Variants in CRYAB observed in about 807,000 individuals in gnomAD.
The protein encoded by CRYAB is crystallin alpha B.
Under a neutral mutation model 12.7 loss-of-function variants are expected in CRYAB, and 9 were observed. The ratio of observed to expected loss-of-function variants is 0.71; its 90% CI spans 0.43 to 1.24. The LOEUF is 1.24. Ranked by LOEUF, CRYAB falls within the 50% of genes most tolerant of loss-of-function variation. The probability of loss-of-function intolerance (pLI) is 0.00; values close to 1 mark genes in which losing one functional copy is unlikely to be tolerated. For synonymous variants in CRYAB, 93 were observed against 86.8 expected (o/e 1.07, Z -0.40); for missense variants, 183 against 226.6 (o/e 0.81, Z 1.24).
upstream of CRYAB, chr11:111,913,895 A>G (rs782531573): frequency 6.2e-7 from 1 of 1,601,634 alleles, no homozygotes; most frequent in Admixed American, 1.7e-5. Context: ...TTGAGCCCTG[A>G]TTGCCACAGA....
At chr11:111,915,253 C>T (rs587717238), upstream of CRYAB, among the ~76,000 whole-genome samples, 1 of 152,148 alleles carries the variant, frequency 6.6e-6, no homozygotes, top group Non-Finnish European at 1.5e-5. Flanking sequence ...CACATACCCC[C>T]CTTAGGGATC....
chr11:111,913,752 C>G (rs782718651), upstream of CRYAB: 4 of 1,614,172 alleles, frequency 2.5e-6, no homozygotes, highest in Non-Finnish European at 3.4e-6. Flanking sequence ...CCGAGCTGCT[C>G]TCTCCCATGA....
upstream of CRYAB, chr11:111,913,688 C>T (rs918568668): frequency 6.2e-7 from 1 of 1,614,170 alleles, no homozygotes; most frequent in Admixed American, 1.7e-5. Flanking sequence ...GCTTCGTGTC[C>T]CGAGAGTTCT....
In CRYAB at chr11:111,908,579, T is replaced by C; in HGVS notation, c.*185A>G. 1.6e-6 allele frequency: 1 copy of C among 613,412 alleles called. No homozygotes were observed. The allele number at this position is 613,412 out of a possible 1,614,324, so 38.0% of individuals were successfully genotyped here. A position where few individuals can be genotyped will look rare whatever the true frequency, so the allele number is the denominator to read the frequency against. On this transcript the variant is annotated 3_prime_UTR_variant, in exon 3 of 3. Transcript: ENST00000650687. ...CATAAATAGATCTGTGGTATCTGTA[T>C]ATTTATTTAAAAGTGTGTGGAATAT...
At chr11:111,912,446 G>A (rs1171099034), upstream of CRYAB, 1 of 284,650 alleles carries the variant, frequency 3.5e-6, no homozygotes, top group African/African-American at 2.2e-5. Context: ...TGCCACCGAA[G>A]AGGAGAAAAT....
chr11:111,916,821 G>A (rs1211077446), upstream of CRYAB, among the ~76,000 whole-genome samples: 9 of 151,486 alleles, frequency 5.9e-5, no homozygotes, highest in African/African-American at 2.2e-4. Flanking sequence ...AAATCCCTTA[G>A]GTGATTTCCT....
At chr11:111,922,361 G>T (rs1218345873) in intron 1 of CRYAB, among the ~76,000 whole-genome samples, 2 of 152,138 alleles carry the variant, frequency 1.3e-5, no homozygotes, top group Non-Finnish European at 2.9e-5. Context: ...GAGGCTTAAA[G>T]ATATTATGGC....
At position 111,910,365 on chromosome 11, in the gene CRYAB, C is replaced by T; in HGVS notation, c.286G>A (p.Asp96Asn). Residue 96 changes from aspartate to asparagine, a missense_variant, in exon 2 of 3, where the codon GAT becomes AAT. Physicochemically the swap from Asp to Asn is conservative, Grantham distance 23. Around this residue, in one of 3 missense-constraint regions of CRYAB, gnomAD observed 95 missense variants for 112.5 expected, o/e 0.84. Coordinates refer to ENST00000650687, the MANE Select transcript of CRYAB (RefSeq NM_001289808.2). The part of the protein sequence containing the change: ...PEELKVKVLG[D>N]VIEVHGKHEE... ...TGTTTTCCATGCACCTCAATCACATCTCCCAACACCTTAACTTTGAGTTCC... is the reference window on the plus strand; with the variant it reads ...TGTTTTCCATGCACCTCAATCACATTTCCCAACACCTTAACTTTGAGTTCC... 1.2e-6 allele frequency: 2 copies of T among 1,614,238 alleles called. No homozygotes were observed. The highest frequency in any genetic ancestry group is 1.7e-6 in the Non-Finnish European group (2 of 1,180,042).
upstream of CRYAB, chr11:111,913,376 C>T: frequency 2.3e-6 from 3 of 1,284,064 alleles, no homozygotes; most frequent in Non-Finnish European, 2.2e-6. Flanking sequence ...CCAGATTTCC[C>T]ATTTCGCCCC....
chr11:111,911,007 T>A (rs890672817), intron 1 of CRYAB: 2 of 228,616 alleles, frequency 8.7e-6, no homozygotes, highest in Non-Finnish European at 1.7e-5. Flanking sequence ...CGTCCCTATA[T>A]TGTTTCCTCG....
chr11:111,911,425 C>T, intron 1 of CRYAB, 99 bp downstream of exon 1: 1 of 1,239,498 alleles, frequency 8.1e-7, no homozygotes, highest in Non-Finnish European at 1.2e-6. Context: ...CACACATGTG[C>T]CTAAAATGGT....
At chr11:111,919,105 C>A in intron 1 of CRYAB, 4 of 1,299,946 alleles carry the variant, frequency 3.1e-6, no homozygotes, top group South Asian at 1.3e-5. Context: ...GCCAGCCTCC[C>A]ACTGCCACCT....
upstream of CRYAB, among the ~76,000 whole-genome samples, chr11:111,915,474 T>G (rs1965583750): frequency 2.6e-5 from 4 of 152,224 alleles, no homozygotes; most frequent in Admixed American, 2.6e-4. Context: ...CTATTAGCTT[T>G]TATTGTCAAC....
rs886047687 is a variant in CRYAB at position 111,908,917 on chromosome 11, T to G, written c.375A>C (p.Pro125=). The change falls in exon 3 of 3, where the codon CCA becomes CCC. Residue 125 remains proline (P), a synonymous_variant. Transcript: ENST00000650687. ...SREFHRKYRI[P]ADVDPLTITS... ...TAATGGTGAGAGGGTCTACATCAGC[T>G]GGGATCCGGTATTTCCTGTGGAACT... 6.2e-7 allele frequency: 1 copy of G among 1,614,116 alleles called. No homozygotes were observed. The highest frequency in any genetic ancestry group is 8.5e-7 in the Non-Finnish European group (1 of 1,180,022).
upstream of CRYAB, chr11:111,911,861 C>A: frequency 1.5e-6 from 1 of 658,898 alleles, no homozygotes; most frequent in Non-Finnish European, 2.7e-6. Flanking sequence ...AGCTCACCAG[C>A]AGTTCATGGA....
intron 1 of CRYAB, chr11:111,918,913 G>C: frequency 6.2e-7 from 1 of 1,604,888 alleles, no homozygotes; most frequent in Non-Finnish European, 8.5e-7. Flanking sequence ...CCAGGAACCC[G>C]GAAATGCACA....
At position 111,918,863 on chromosome 11, in the gene CRYAB, A is replaced by G. The variant is rs1415553020; in HGVS notation, c.-199+4840T>C. On this transcript the variant is annotated intron_variant, in intron 1 of 3. Transcript: ENST00000527950. ...GTCCAACCTGCTAGGTTGAAATCTG[A>G]CACTGACACAGACTCCGGGAGCTGC... The G allele has an allele frequency of 3.9e-6, 5 of 1,282,940 alleles. No homozygotes were observed. The African/African-American group carries it at 7.4e-5, about 19-fold the overall frequency. 79.5% of individuals were successfully genotyped at this position (1,282,940 alleles called of 1,614,324 possible).
At chr11:111,909,407 A>G in intron 2 of CRYAB, 1 of 358,684 alleles carries the variant, frequency 2.8e-6, no homozygotes, top group South Asian at 2.2e-5. Flanking sequence ...GACTCCATCC[A>G]AGGAGACTAT....
upstream of CRYAB, chr11:111,918,228 G>C (rs72991407): frequency 6.5e-6 from 1 of 153,506 alleles, no homozygotes; most frequent in African/African-American, 2.4e-5. Flanking sequence ...GAGTTGAGGG[G>C]TAAGTGGAGA....
Sources: gnomAD v4.1 joint callset for allele counts (sites outside exome capture counted in the v4.1 genomes callset) on GRCh38, gnomAD v4.1.1 for gene constraint, gnomAD v4.1.1 regional missense constraint, MANE v1.5 for transcripts, NCBI Gene and HGNC (gene_info 2026-07-23, HGNC 2026-07-21) for gene names.